GPC3: variants seen among roughly 807,000 people sequenced by gnomAD.
The protein encoded by GPC3 is glypican-3.
A neutral mutation model predicts 34.4 loss-of-function variants in GPC3; 3 were observed. The ratio of observed to expected loss-of-function variants is 0.09; its 90% CI spans 0.04 to 0.23. The LOEUF is 0.23. GPC3 is among the 10% of genes least tolerant of loss of function. The probability of loss-of-function intolerance (pLI) is 1.00; values close to 1 mark genes in which losing one functional copy is unlikely to be tolerated. For synonymous variants in GPC3, 177 were observed against 174.0 expected, an observed-to-expected ratio of 1.02 and a Z score of -0.13; for missense variants, 351 against 445.6, an observed-to-expected ratio of 0.79 and a Z score of 1.91.
chrX:133,788,091 TATATATATATA>T (rs2072121753), intron 2 of GPC3, among the ~76,000 whole-genome samples: 4 of 17,602 alleles, frequency 2.3e-4, no homozygotes, highest in African/African-American at 5.3e-4. Flanking sequence ...TATTATTTTA[TATATATATATA>T]TATATATATA....
At chrX:133,719,619 A>G (rs1017343258) in intron 3 of GPC3, among the ~76,000 whole-genome samples, 4 of 111,221 alleles carry the variant, frequency 3.6e-5, no homozygotes, top group Non-Finnish European at 7.5e-5. Flanking sequence ...CCTAAAACTT[A>G]AAGTATAATA....
intron 6 of GPC3, among the ~76,000 whole-genome samples, chrX:133,640,065 A>T (rs779995327): frequency 9.0e-6 from 1 of 111,679 alleles, no homozygotes; most frequent in South Asian, 3.8e-4. Flanking sequence ...TCTGTAAAAA[A>T]TATTTGGGGA....
chrX:133,797,488 A>T (rs1357233027), intron 2 of GPC3, among the ~76,000 whole-genome samples: 1 of 110,859 alleles, frequency 9.0e-6, no homozygotes, highest in Non-Finnish European at 1.9e-5. Context: ...CCCCCCTGAG[A>T]TTCCTTAAAG....
At chrX:133,955,705 A>AGAAT (rs1352236787) in intron 1 of GPC3, among the ~76,000 whole-genome samples, 1 of 111,332 alleles carries the variant, frequency 9.0e-6, no homozygotes, top group Non-Finnish European at 1.9e-5. Flanking sequence ...CTAAGAAGGT[A>AGAAT]GAATGAAAAA....
At chrX:133,940,305 G>T (rs1250262415) in intron 2 of GPC3, among the ~76,000 whole-genome samples, 1 of 111,430 alleles carries the variant, frequency 9.0e-6, no homozygotes, top group African/African-American at 3.3e-5. Flanking sequence ...AACCATCTAT[G>T]ATCATTTCAA....
chrX:133,868,798 C>A (rs1296376611), intron 2 of GPC3, among the ~76,000 whole-genome samples: 1 of 111,538 alleles, frequency 9.0e-6, no homozygotes, highest in Admixed American at 9.5e-5. Context: ...CCTTCCTCTG[C>A]TGATAACACT....
intron 2 of GPC3, among the ~76,000 whole-genome samples, chrX:133,833,272 A>G (rs1380886369): frequency 9.0e-6 from 1 of 111,627 alleles, no homozygotes; most frequent in African/African-American, 3.3e-5. Context: ...TAAAGAATGT[A>G]TAAGGGCATG....
rs763126504 is a variant in GPC3, at chrX:133,832,205, G to A, written c.338-78029C>T. Among the ~76,000 whole-genome samples, 5 of 111,098 alleles carry A rather than the reference G, an allele frequency of 4.5e-5. No homozygotes were observed. In the East Asian group the frequency reaches 1.4e-3, roughly 31 times the overall value. ...TGAGGCAGGAGAATTGCTTGAACCT[G>A]GGAGGCAGACATTGCAGTGAGTGGA... On this transcript the variant is annotated intron_variant, in intron 2 of 7. Transcript: ENST00000370818.
rs139324070 is a variant in GPC3, at chrX:133,628,435, C to A, written c.1414-31836G>T. On this transcript the variant is annotated intron_variant, in intron 6 of 7. Coordinates refer to ENST00000370818, the MANE Select transcript of GPC3 (RefSeq NM_004484.4). ...CTTTGGGAGGCTGAGGCGGGCAGAT[C>A]ACCTGAGGTCAGGGGTTCAAGACCA... Among the ~76,000 whole-genome samples the A allele has an allele frequency of 9.6e-3, 1,072 of 111,475 alleles. 14 individuals carry two copies. Among genetic ancestry groups the A allele is most frequent in the African/African-American group, 0.034 (1,035 of 30,657 alleles).
At chrX:133,564,616 A>G (rs1413464793) in intron 7 of GPC3, among the ~76,000 whole-genome samples, 1 of 111,542 alleles carries the variant, frequency 9.0e-6, no homozygotes, top group Non-Finnish European at 1.9e-5. Context: ...CTGCATACCA[A>G]TTTTGATTTG....
chrX:133,770,834 G>A (rs1268415891), intron 2 of GPC3, among the ~76,000 whole-genome samples: 2 of 112,037 alleles, frequency 1.8e-5, no homozygotes, highest in African/African-American at 3.2e-5. Context: ...AATCCACCTC[G>A]TAGCAGGATT....
Position 133,846,605 on chromosome X carries a change from C to T in GPC3, c.338-92429G>A, listed in dbSNP as rs753968429. On this transcript the variant is annotated intron_variant, in intron 2 of 7. Coordinates refer to ENST00000370818, the MANE Select transcript of GPC3 (RefSeq NM_004484.4). ...GAACTAGTCTGGATGAGAACCAGAA[C>T]GATATCCAACATGAAAAGGCAGAAC... Among the ~76,000 whole-genome samples the T allele has an allele frequency of 1.3e-4, 15 of 111,427 alleles. No homozygotes were observed. In the South Asian group the frequency reaches 5.3e-3, roughly 39 times the overall value.
At chrX:133,769,770 G>T (rs1165530249) in intron 2 of GPC3, among the ~76,000 whole-genome samples, 1 of 112,184 alleles carries the variant, frequency 8.9e-6, no homozygotes, top group African/African-American at 3.2e-5. Flanking sequence ...CAAAGTCGAA[G>T]AAATGAATTA....
rs1026811631 is a variant in GPC3, at chrX:133,637,746, G to T, written c.1413+23984C>A. On this transcript the variant is annotated intron_variant, in intron 6 of 7. Transcript: ENST00000370818. Reference sequence around the variant, plus strand: ...CAGCCTTGACCTCCTTGGCTGAAGCGATCTTCCCACTTCAGCCTCTCGAGT... The same window carrying T: ...CAGCCTTGACCTCCTTGGCTGAAGCTATCTTCCCACTTCAGCCTCTCGAGT... Among the ~76,000 whole-genome samples, 34 of 111,159 alleles carry T rather than the reference G, an allele frequency of 3.1e-4. 1 individual carries two copies. In the Admixed American group the frequency reaches 3.2e-3, roughly 10 times the overall value.
At chrX:133,578,529 T>TA (rs1271515465) in intron 7 of GPC3, among the ~76,000 whole-genome samples, 2 of 110,134 alleles carry the variant, frequency 1.8e-5, no homozygotes, top group African/African-American at 6.6e-5. Flanking sequence ...TCTCTACAAA[T>TA]AAAAAAAATT....
intron 2 of GPC3, among the ~76,000 whole-genome samples, chrX:133,821,797 T>A (rs2075720228): frequency 8.9e-6 from 1 of 112,120 alleles, no homozygotes; most frequent in Non-Finnish European, 1.9e-5. Context: ...GAATTTTGCA[T>A]TGCTAGGAAA....
At chrX:133,935,492 C>G (rs988185444) in intron 2 of GPC3, among the ~76,000 whole-genome samples, 7 of 110,776 alleles carry the variant, frequency 6.3e-5, no homozygotes, top group African/African-American at 2.0e-4. Context: ...CACTGCCAGC[C>G]GCCCACTCCC....
intron 2 of GPC3, among the ~76,000 whole-genome samples, chrX:133,936,165 T>A (rs2076322543): frequency 9.5e-6 from 1 of 104,934 alleles, no homozygotes; most frequent in Admixed American, 1.1e-4. Flanking sequence ...GCTCAAGCAA[T>A]CCACCTACCT....
intron 2 of GPC3, among the ~76,000 whole-genome samples, chrX:133,887,297 A>C (rs1247602489): frequency 8.9e-6 from 1 of 112,585 alleles, no homozygotes; most frequent in African/African-American, 3.2e-5. Context: ...CCAACAGTAT[A>C]TAGAAGTTTT....
Sources: allele counts gnomAD v4.1 joint callset (sites outside exome capture counted in the v4.1 genomes callset), GRCh38; gene constraint gnomAD v4.1.1; transcripts MANE v1.5; gene names NCBI Gene and HGNC (gene_info 2026-07-23, HGNC 2026-07-21).